The following EVC2 variants were observed in gnomAD, a reference collection of about 807,000 sequenced individuals.
EVC2 encodes the protein limbin.
Under a neutral mutation model 149.3 loss-of-function variants are expected in EVC2, and 148 were observed. The ratio of observed to expected loss-of-function variants is 0.99; its 90% confidence interval spans 0.87 to 1.14. The LOEUF (loss-of-function observed/expected upper bound fraction) is 1.14, where lower values mean the gene tolerates loss of function less well. EVC2 is among the 50% of genes most tolerant of loss of function. The pLI is 0.00. For synonymous variants in EVC2, 776 were observed against 649.9 expected (o/e 1.19, Z -2.95); for missense variants, 1,854 against 1,627.3 (o/e 1.14, Z -2.40).
rs1208770117 is a variant in EVC2, at chr4:5,663,191, A to G, written c.1061T>C (p.Val354Ala). The G allele has an allele frequency of 1.9e-6, 3 of 1,614,136 alleles. No homozygotes were observed. In the African/African-American group the frequency reaches 4.0e-5, roughly 22 times the overall value. The change falls in exon 9 of 22, where the codon GTG (valine) becomes GCG (alanine). Residue 354 changes from valine to alanine, a missense_variant. Transcript: ENST00000344408. The part of the protein sequence containing the change: ...EPLPFTSADG[V>A]NEDLSLNDQM... ...GTCGTTAAGGGAAAGGTCCTCATTC[A>G]CGCCATCAGCTGAGGTGAACGGCAA... is the stretch of plus-strand genomic sequence containing the variant.
chr4:5,625,302 GACCATAC>G lies in EVC2; in HGVS notation c.2046+440_2046+446del, dbSNP rs1716020718. ...TGCCACTTACTAGATATTTGACCTT[GACCATAC>G]ACACACACACACACACACACACACA... On this transcript the variant is annotated intron_variant, in intron 13 of 21. Transcript: ENST00000344408. The surrounding 1 kb of genome is among the most constrained non-coding windows in gnomAD (Gnocchi z 4.0). Among the ~76,000 whole-genome samples, 1 of 135,662 alleles carries G rather than the reference GACCATAC, an allele frequency of 7.4e-6. No individual in the cohort carries two copies. The highest frequency in any genetic ancestry group is 1.5e-5 in the Non-Finnish European group (1 of 64,564). The allele number at this position is 135,662 out of a possible 152,430, so 89.0% of individuals were successfully genotyped here. A position where few individuals can be genotyped will look rare whatever the true frequency, so the allele number is the denominator to read the frequency against.
chr4:5,702,519 TC>T (rs1721891319), intron 1 of EVC2, among the ~76,000 whole-genome samples: 1 of 152,178 alleles, frequency 6.6e-6, no homozygotes, highest in African/African-American at 2.4e-5. Context: ...CTGATCAACT[TC>T]CAGTAGAATG....
At chr4:5,551,189 G>GT (rs1721730386) in intron 21 of EVC2, among the ~76,000 whole-genome samples, 3 of 152,164 alleles carry the variant, frequency 2.0e-5, no homozygotes, top group African/African-American at 7.2e-5. Context: ...CCCCAGAATG[G>GT]TAGATCCACT....
Position 5,686,501 on chromosome 4 carries a change from C to T in EVC2, c.707-1022G>A, listed in dbSNP as rs1044586557. Among the ~76,000 whole-genome samples the T allele has an allele frequency of 6.6e-6, 1 of 152,210 alleles. No homozygotes were observed. Among genetic ancestry groups the T allele is most frequent in the Non-Finnish European group, 1.5e-5 (1 of 68,042 alleles). On this transcript the variant is annotated intron_variant, in intron 5 of 21. Transcript: ENST00000344408. This position sits in a 1 kb window ranked among gnomAD's most constrained non-coding sequence, Gnocchi z 5.4. ...CATCACTCTCCACGTGCTGCACCTGCATTAACCCAGCTGATCTCCACACAC... is the reference window on the plus strand; with the variant it reads ...CATCACTCTCCACGTGCTGCACCTGTATTAACCCAGCTGATCTCCACACAC...
chr4:5,705,427 A>T (rs1353021597), intron 1 of EVC2, among the ~76,000 whole-genome samples: 1 of 152,184 alleles, frequency 6.6e-6, no homozygotes, highest in Non-Finnish European at 1.5e-5. Context: ...GTTTGTGCTG[A>T]TTATATTTAT....
At position 5,570,007 on chromosome 4, in the gene EVC2, G is replaced by C. The variant is rs573185975; in HGVS notation, c.3361-1367C>G. 1.8e-4 allele frequency among the ~76,000 whole-genome samples: 28 copies of C among 152,244 alleles called. No homozygotes were observed. In the South Asian group the frequency reaches 5.8e-3, roughly 32 times the overall value. Reference sequence around the variant, plus strand: ...GTACATTTCTCCTAAGCTACTCTCTGTCTCTCTCCAGCGCATTCTTTTGGA... The same window carrying C: ...GTACATTTCTCCTAAGCTACTCTCTCTCTCTCTCCAGCGCATTCTTTTGGA... On this transcript the variant is annotated intron_variant, in intron 19 of 21. Coordinates refer to ENST00000344408, the MANE Select transcript of EVC2 (RefSeq NM_147127.5).
At chr4:5,704,461 G>A (rs896697373) in intron 1 of EVC2, among the ~76,000 whole-genome samples, 1 of 152,144 alleles carries the variant, frequency 6.6e-6, no homozygotes, top group East Asian at 1.9e-4. Context: ...TGGAGTGCCT[G>A]TGAGCCTCCA....
At position 5,708,338 on chromosome 4, in the gene EVC2, C is replaced by G. The variant is rs535274320; in HGVS notation, c.176G>C (p.Gly59Ala). Residue 59 changes from glycine (G) to alanine (A), a missense_variant, in exon 1 of 22, where the codon GGC becomes GCC. Gly to Ala is a moderately conservative substitution (Grantham distance 60, BLOSUM62 0). Coordinates refer to ENST00000344408, the MANE Select transcript of EVC2 (RefSeq NM_147127.5). ...GCTCCGCCCCGGAGGGATCCTCAGG[C>G]CGGGCCCAGACCTAGGAGCCACCTG... ...DPQVAPRSGP[G>A]LRIPPGRSGA... is the part of the protein sequence containing the mutation. The G allele has an allele frequency of 1.3e-5, 19 of 1,478,210 alleles. No individual in the cohort carries two copies. Among genetic ancestry groups the G allele is most frequent in the Middle Eastern group, 1.8e-4 (1 of 5,670 alleles). The allele number at this position is 1,478,210 out of a possible 1,614,324, so 91.6% of individuals were successfully genotyped here.
At chr4:5,691,383 T>C (rs772646836) in intron 3 of EVC2, 50 bp from the exon 4 acceptor site, 5 of 1,469,700 alleles carry the variant, frequency 3.4e-6, no homozygotes, top group South Asian at 2.3e-5. Context: ...TTTCATGCTA[T>C]ACATATTTAA....
downstream of EVC2, among the ~76,000 whole-genome samples, chr4:5,539,378 C>G (rs756918242): frequency 1.3e-5 from 2 of 152,002 alleles, no homozygotes; most frequent in African/African-American, 4.8e-5. Context: ...TCTATAGATT[C>G]GACACAATCT....
intron 16 of EVC2, among the ~76,000 whole-genome samples, chr4:5,585,314 C>A (rs189325614): frequency 1.3e-5 from 2 of 152,168 alleles, no homozygotes; most frequent in Non-Finnish European, 1.5e-5. Context: ...ACACACCATG[C>A]GCTTTGTGTC....
intron 9 of EVC2, among the ~76,000 whole-genome samples, chr4:5,644,663 T>C (rs556820858): frequency 6.6e-6 from 1 of 152,202 alleles, no homozygotes; most frequent in African/African-American, 2.4e-5. Context: ...TATATTCTTG[T>C]TTTCCTTCGT....
At chr4:5,651,970 C>T (rs755363175) in intron 9 of EVC2, among the ~76,000 whole-genome samples, 5 of 152,182 alleles carry the variant, frequency 3.3e-5, no homozygotes, top group Non-Finnish European at 5.9e-5. Flanking sequence ...ATCACCAATC[C>T]AGGCTAAACA....
At chr4:5,578,074 TG>T (rs1349460944) in intron 17 of EVC2, among the ~76,000 whole-genome samples, 2 of 152,214 alleles carry the variant, frequency 1.3e-5, no homozygotes, top group African/African-American at 2.4e-5. Flanking sequence ...TATAATCTGC[TG>T]ATGGTGTCCC....
chr4:5,530,643 C>G, the EVC2 span, among the ~76,000 whole-genome samples: 37 of 152,250 alleles, frequency 2.4e-4, no homozygotes, highest in African/African-American at 8.7e-4. Context: ...ACTTATTCAT[C>G]CTACATGACT....
chr4:5,708,491 C>T lies in EVC2; in HGVS notation c.23G>A (p.Gly8Glu), dbSNP rs1022585059. 6.8e-6 allele frequency: 10 copies of T among 1,481,396 alleles called. No individual in the cohort carries two copies. The highest frequency in any genetic ancestry group is 5.9e-5 in the African/African-American group (4 of 68,324). 91.8% of individuals were successfully genotyped at this position (1,481,396 alleles called of 1,614,324 possible). ...CCCGGCCAGCACCCACGTGGGGCGCCCCCGGGAGCCCGAGGGGTCCATCGC... is the reference window on the plus strand; with the variant it reads ...CCCGGCCAGCACCCACGTGGGGCGCTCCCGGGAGCCCGAGGGGTCCATCGC... The part of the protein sequence containing the change: MDPSGSR[G>E]RPTWVLAGGL... Residue 8 changes from glycine (G) to glutamate (E), a missense_variant, in exon 1 of 22, where the codon GGG (glycine) becomes GAG (glutamate). By Grantham distance (98) the Gly-to-Glu change is moderately conservative. Coordinates refer to ENST00000344408, the MANE Select transcript of EVC2 (RefSeq NM_147127.5).
At chr4:5,540,416 A>G (rs950512933), downstream of EVC2, among the ~76,000 whole-genome samples, 1 of 152,248 alleles carries the variant, frequency 6.6e-6, no homozygotes, top group African/African-American at 2.4e-5. Flanking sequence ...GCTGCAACCT[A>G]GACCGACCCA....
chr4:5,596,571 TG>T (rs1713439318), intron 16 of EVC2, among the ~76,000 whole-genome samples: 1 of 149,824 alleles, frequency 6.7e-6, no homozygotes, highest in Non-Finnish European at 1.5e-5. Flanking sequence ...TTCAAAGCAG[TG>T]TGTAGAGGGA....
At chr4:5,623,469 A>G (rs1268383697) in intron 13 of EVC2, among the ~76,000 whole-genome samples, 2 of 151,892 alleles carry the variant, frequency 1.3e-5, no homozygotes, top group Non-Finnish European at 2.9e-5. Context: ...CCTCCCCAGT[A>G]GCTGGGATTA....
Sources: gnomAD v4.1 joint callset for allele counts (sites outside exome capture counted in the v4.1 genomes callset) on GRCh38, gnomAD v4.1.1 for gene constraint, Gnocchi (gnomAD v3.1) non-coding constraint, MANE v1.5 for transcripts, NCBI Gene and HGNC (gene_info 2026-07-23, HGNC 2026-07-21) for gene names.